The following ABCA10 variants were observed in gnomAD, a reference collection of about 807,000 sequenced individuals.
ABCA10 encodes ATP binding cassette subfamily A member 10, also known as ATP-binding cassette sub-family A member 10.
In ABCA10, 169 loss-of-function variants were observed where a neutral mutation model predicts 187.5. That is an observed-to-expected ratio of 0.90 (90% confidence interval 0.80 to 1.02). ABCA10 has a LOEUF of 1.02. Ranked by LOEUF, ABCA10 falls within the 50% of genes least tolerant of loss-of-function variation. The pLI is 0.00. For synonymous variants in ABCA10, 574 were observed against 601.8 expected, an observed-to-expected ratio of 0.95 and a Z score of 0.68; for missense variants, 1,727 against 1,812.4, an observed-to-expected ratio of 0.95 and a Z score of 0.86.
upstream of ABCA10, chr17:69,233,410 T>C (rs2074844340): frequency 6.6e-6 from 1 of 152,240 alleles, no homozygotes; most frequent in Non-Finnish European, 1.5e-5. Context: ...TTTGTGGTTT[T>C]TTTAATTATT....
intron 22 of ABCA10, among the ~76,000 whole-genome samples, chr17:69,176,503 G>C (rs1204555966): frequency 6.6e-6 from 1 of 151,992 alleles, no homozygotes; most frequent in Non-Finnish European, 1.5e-5. Context: ...GCAATGAAAA[G>C]GTTGTTCTAA....
rs764814229 is a variant in ABCA10 at position 69,191,258 on chromosome 17, G to A, written c.1929C>T (p.His643=). ...TEKITSLIKQ[H]IPDAKLTTES... ...CTGTTGTTAACTTGGCATCAGGAATGTGCTGCTTAATAAGGGATGTGATTT... is the reference window on the plus strand; with the variant it reads ...CTGTTGTTAACTTGGCATCAGGAATATGCTGCTTAATAAGGGATGTGATTT... The change falls in exon 17 of 39, where the codon CAC becomes CAT. Residue 643 remains histidine (H), a synonymous_variant. Transcript: ENST00000690296. 4 of 1,605,730 alleles carry A rather than the reference G, an allele frequency of 2.5e-6. No homozygotes were observed. Among genetic ancestry groups the A allele is most frequent in the African/African-American group, 1.3e-5 (1 of 74,754 alleles).
chr17:69,151,722 C>A (rs2074129408), intron 36 of ABCA10, among the ~76,000 whole-genome samples: 1 of 152,108 alleles, frequency 6.6e-6, no homozygotes, highest in Non-Finnish European at 1.5e-5. Context: ...GCATTGTTTT[C>A]ATTGTCTATT....
chr17:69,150,076 A>C lies in ABCA10; in HGVS notation c.4398-13T>G. 1.9e-6 allele frequency: 3 copies of C among 1,589,556 alleles called. No individual in the cohort carries two copies. Among genetic ancestry groups the C allele is most frequent in the Non-Finnish European group, 2.6e-6 (3 of 1,161,108 alleles). On this transcript the variant is annotated splice_polypyrimidine_tract_variant and intron_variant, in intron 36 of 38. Coordinates refer to ENST00000690296, the MANE Select transcript of ABCA10 (RefSeq NM_001377321.1). ...TAAAGAGGAATATCTGTCAGGAAGA[A>C]GAGTGAGATTTATTACTAAGTTTCA...
rs532088283 is a variant in ABCA10, at chr17:69,201,537, G to T, written c.1138C>A (p.Pro380Thr). ...TTTCCATGGAATTCTGGAGACACCGGTTCAAAAGAATCATCAGAGGAATGC... is the reference window on the plus strand; with the variant it reads ...TTTCCATGGAATTCTGGAGACACCGTTTCAAAAGAATCATCAGAGGAATGC... ...PEHSSDDSFE[P>T]VSPEFHGKEA... Residue 380 changes from proline (P) to threonine (T), a missense_variant, in exon 10 of 39, where the codon CCG (proline) becomes ACG (threonine). Transcript: ENST00000690296. The T allele has an allele frequency of 6.2e-7, 1 of 1,605,906 alleles. No homozygotes were observed. Among genetic ancestry groups the T allele is most frequent in the South Asian group, 1.1e-5 (1 of 88,952 alleles).
intron 30 of ABCA10, 59 bp from the exon 31 acceptor site, chr17:69,154,385 C>A: frequency 8.6e-7 from 1 of 1,167,154 alleles, no homozygotes; most frequent in Non-Finnish European, 1.2e-6. Flanking sequence ...TCTAAAATTG[C>A]TTGGTTGGTT....
chr17:69,188,278 C>A (rs2074437026), intron 18 of ABCA10, among the ~76,000 whole-genome samples: 1 of 152,044 alleles, frequency 6.6e-6, no homozygotes, highest in South Asian at 2.1e-4. Context: ...TGATTGACAT[C>A]TCAGTAACGA....
intron 30 of ABCA10, 39 bp from the exon 31 acceptor site, chr17:69,154,365 G>T: frequency 6.8e-7 from 1 of 1,465,624 alleles, no homozygotes; most frequent in Non-Finnish European, 9.3e-7. Flanking sequence ...GAATTTTCAA[G>T]GTTGACTAAT....
At chr17:69,232,390 A>G (rs2074837910), upstream of ABCA10, among the ~76,000 whole-genome samples, 1 of 151,972 alleles carries the variant, frequency 6.6e-6, no homozygotes, top group Non-Finnish European at 1.5e-5. Flanking sequence ...TTTTTAATAT[A>G]TCTATTATAG....
chr17:69,200,998 C>T (rs1490054597), intron 10 of ABCA10, among the ~76,000 whole-genome samples: 1 of 152,156 alleles, frequency 6.6e-6, no homozygotes, highest in Non-Finnish European at 1.5e-5. Flanking sequence ...CAGGTGTGAG[C>T]CCCTGCACCT....
chr17:69,217,254 A>G (rs2074713299), intron 6 of ABCA10, among the ~76,000 whole-genome samples: 1 of 149,984 alleles, frequency 6.7e-6, no homozygotes, highest in African/African-American at 2.5e-5. Flanking sequence ...TCTCAAAAAA[A>G]GAAAAAAAAA....
chr17:69,200,020 A>T (rs541419606), intron 10 of ABCA10, among the ~76,000 whole-genome samples: 1 of 152,184 alleles, frequency 6.6e-6, no homozygotes, highest in South Asian at 2.1e-4. Flanking sequence ...TTTCACCTTG[A>T]TCTTTTCATA....
At position 69,155,797 on chromosome 17, in the gene ABCA10, C is replaced by T. The variant is rs746136486; in HGVS notation, c.3576+8G>A. On this transcript the variant is annotated splice_region_variant and intron_variant, in intron 29 of 38. Coordinates refer to ENST00000690296, the MANE Select transcript of ABCA10 (RefSeq NM_001377321.1). ...CATTTTATTAAGGGTCTAATCCCTG[C>T]TGTTCACCTCCTCCAAGTTTGGAGC... 3.1e-6 allele frequency: 5 copies of T among 1,613,262 alleles called. No homozygotes were observed. The highest frequency in any genetic ancestry group is 3.3e-4 in the Middle Eastern group (2 of 6,052).
At chr17:69,164,861 T>C (rs1412920116) in intron 26 of ABCA10, 103 bp downstream of exon 26, 53 of 1,371,934 alleles carry the variant, frequency 3.9e-5, no homozygotes, top group Non-Finnish European at 5.0e-5. Context: ...CAGCATTGAA[T>C]AACTTCAAAA....
At chr17:69,241,131 T>C (rs2074901022) in intron 1 of ABCA10, among the ~76,000 whole-genome samples, 1 of 152,208 alleles carries the variant, frequency 6.6e-6, no homozygotes, top group South Asian at 2.1e-4. Flanking sequence ...CTTCATCCAC[T>C]TGATGATACT....
chr17:69,161,010 T>C (rs186882349), intron 27 of ABCA10, among the ~76,000 whole-genome samples: 44 of 152,266 alleles, frequency 2.9e-4, no homozygotes, highest in Middle Eastern at 3.4e-3. Flanking sequence ...CAAATGTTTA[T>C]TGACAGAATG....
intron 34 of ABCA10, among the ~76,000 whole-genome samples, chr17:69,153,010 T>C (rs1169036197): frequency 6.6e-6 from 1 of 152,068 alleles, no homozygotes; most frequent in Admixed American, 6.5e-5. Flanking sequence ...TCATACTATA[T>C]GACTTTCAAT....
At chr17:69,217,520 A>G (rs2074715327) in intron 6 of ABCA10, among the ~76,000 whole-genome samples, 1 of 152,234 alleles carries the variant, frequency 6.6e-6, no homozygotes, top group African/African-American at 2.4e-5. Flanking sequence ...TATCTCCTCC[A>G]AAGGCTGAAG....
Position 69,154,247 on chromosome 17 carries a change from T to A in ABCA10, c.3774A>T (p.Pro1258=), listed in dbSNP as rs777199696. Residue 1258 remains proline, a synonymous_variant, in exon 31 of 39, where the codon CCA becomes CCT. Transcript: ENST00000690296. ...ACATGTCACATACCACTCCTGCAGT[T>A]GGCTTTGTGCACCCAGTTATCATTT... ...SIKMITGCTK[P]TAGVVVLQGS... The A allele has an allele frequency of 9.9e-6, 16 of 1,610,746 alleles. No homozygotes were observed. In the African/African-American group the frequency reaches 2.0e-4, roughly 20 times the overall value.
Sources: gnomAD v4.1 joint callset for allele counts (sites outside exome capture counted in the v4.1 genomes callset) on GRCh38, gnomAD v4.1.1 for gene constraint, MANE v1.5 for transcripts, NCBI Gene and HGNC (gene_info 2026-07-23, HGNC 2026-07-21) for gene names.